NRXN3: variants seen among roughly 807,000 people sequenced by gnomAD.
The protein encoded by NRXN3 is neurexin III.
NRXN3 carries 32 observed loss-of-function variants against 137.6 expected under a neutral mutation model. The ratio of observed to expected loss-of-function variants is 0.23; its 90% CI spans 0.18 to 0.31. The LOEUF (loss-of-function observed/expected upper bound fraction) is 0.31, where lower values mean the gene tolerates loss of function less well. Ranked by LOEUF, NRXN3 falls within the 10% of genes least tolerant of loss-of-function variation. The probability of loss-of-function intolerance (pLI) is 1.00; values close to 1 mark genes in which losing one functional copy is unlikely to be tolerated. For synonymous variants in NRXN3, 798 were observed against 784.5 expected, an observed-to-expected ratio of 1.02 and a Z score of -0.29; for missense variants, 1,574 against 2,062.5, an observed-to-expected ratio of 0.76 and a Z score of 4.59.
At chr14:78,854,452 T>C (rs975766407) in intron 10 of NRXN3, among the ~76,000 whole-genome samples, 6 of 152,146 alleles carry the variant, frequency 3.9e-5, no homozygotes, top group African/African-American at 1.4e-4. Flanking sequence ...TTAGCCTCCA[T>C]TACCCAAGAG....
At chr14:79,128,646 A>G (rs1359817003) in intron 15 of NRXN3, among the ~76,000 whole-genome samples, 118 of 151,918 alleles carry the variant, frequency 7.8e-4, no homozygotes, top group Middle Eastern at 3.4e-3. Context: ...CTCTTTTTTG[A>G]TTGTGTCTCT....
chr14:79,850,279 T>G (rs2049827), intron 20 of NRXN3, among the ~76,000 whole-genome samples: 112,678 of 152,048 alleles, frequency 0.74, 42,177 homozygotes, highest in East Asian at 0.91. Flanking sequence ...CTCTCTCTAG[T>G]ATTCTCCCTG....
At chr14:79,438,488 A>T (rs7140201) in intron 15 of NRXN3, among the ~76,000 whole-genome samples, 1 of 152,086 alleles carries the variant, frequency 6.6e-6, no homozygotes, top group Admixed American at 6.5e-5. Flanking sequence ...TTATTAATGT[A>T]TGGATTTTCT....
intron 4 of NRXN3, among the ~76,000 whole-genome samples, chr14:78,576,673 C>T (rs987716529): frequency 6.6e-6 from 1 of 152,104 alleles, no homozygotes; most frequent in Non-Finnish European, 1.5e-5. Flanking sequence ...GTCACATTCA[C>T]TAACATCACA....
At chr14:79,239,736 GA>G (rs1185297112) in intron 15 of NRXN3, among the ~76,000 whole-genome samples, 1 of 152,112 alleles carries the variant, frequency 6.6e-6, no homozygotes, top group Admixed American at 6.6e-5. Context: ...CAATAGCCAA[GA>G]TAAAGAGTCA....
chr14:78,877,047 T>G (rs1216944440), intron 10 of NRXN3, among the ~76,000 whole-genome samples: 1 of 152,236 alleles, frequency 6.6e-6, no homozygotes, highest in Admixed American at 6.5e-5. Context: ...TCTTCTTCAC[T>G]TGGTGTTCAG....
intron 15 of NRXN3, among the ~76,000 whole-genome samples, chr14:79,394,545 T>C (rs539510180): frequency 6.6e-6 from 1 of 152,290 alleles, no homozygotes; most frequent in Non-Finnish European, 1.5e-5. Context: ...TTTACACATA[T>C]TAGTTATCTC....
Position 78,203,766 on chromosome 14 carries a change from ACATAC to A in NRXN3, c.-704+33096_-704+33100del, listed in dbSNP as rs1350794030. 1.3e-4 allele frequency among the ~76,000 whole-genome samples: 20 copies of A among 151,288 alleles called. No individual in the cohort carries two copies. In the East Asian group the frequency reaches 3.9e-3, roughly 29 times the overall value. On this transcript the variant is annotated intron_variant, in intron 1 of 20. Transcript: ENST00000335750. ...GCAAAAAAATCACTATTTTCCTACC[ACATAC>A]CATTGTTGACTTTTTGGTGTAGATC...
intron 19 of NRXN3, among the ~76,000 whole-genome samples, chr14:79,767,718 T>A (rs1271986930): frequency 6.6e-6 from 1 of 152,178 alleles, no homozygotes; most frequent in Non-Finnish European, 1.5e-5. Flanking sequence ...TCACCCAAAG[T>A]TACACAGCTG....
chr14:79,564,072 C>T (rs559635913), intron 16 of NRXN3, among the ~76,000 whole-genome samples: 1 of 151,934 alleles, frequency 6.6e-6, no homozygotes, highest in South Asian at 2.1e-4. Context: ...TAGTGAAGTA[C>T]AACCTCAGAG....
chr14:78,282,092 G>T (rs1188645263), intron 3 of NRXN3: 2 of 489,288 alleles, frequency 4.1e-6, no homozygotes, highest in Non-Finnish European at 8.2e-6. Context: ...GCCCAAGAAG[G>T]GAAAGGACCT....
chr14:79,013,709 A>G (rs2938028), intron 15 of NRXN3, among the ~76,000 whole-genome samples: 2,905 of 152,302 alleles, frequency 0.019, 80 homozygotes, highest in African/African-American at 0.066. Context: ...CACCAGACCC[A>G]TGACAATCTA....
At chr14:79,148,090 GA>G (rs1234739095) in intron 15 of NRXN3, among the ~76,000 whole-genome samples, 2 of 152,084 alleles carry the variant, frequency 1.3e-5, no homozygotes, top group South Asian at 4.1e-4. Context: ...TCTGGATGGT[GA>G]AAAAAAATAT....
chr14:79,411,667 A>G (rs1181695290), intron 15 of NRXN3, among the ~76,000 whole-genome samples: 1 of 152,180 alleles, frequency 6.6e-6, no homozygotes, highest in Non-Finnish European at 1.5e-5. Flanking sequence ...TATGTAGTAG[A>G]GTCATAATTA....
intron 8 of NRXN3, among the ~76,000 whole-genome samples, chr14:78,802,632 T>C (rs1175018745): frequency 6.6e-6 from 1 of 152,194 alleles, no homozygotes; most frequent in Non-Finnish European, 1.5e-5. Flanking sequence ...AACCTCAGAC[T>C]GAGGAAGGTA....
At chr14:78,268,965 T>C (rs1461541745) in intron 2 of NRXN3, among the ~76,000 whole-genome samples, 1 of 152,196 alleles carries the variant, frequency 6.6e-6, no homozygotes, top group Non-Finnish European at 1.5e-5. Flanking sequence ...ATCTAGCATA[T>C]TGGCTAACAA....
intron 20 of NRXN3, among the ~76,000 whole-genome samples, chr14:79,848,072 T>G (rs2099384048): frequency 6.6e-6 from 1 of 152,064 alleles, no homozygotes; most frequent in Non-Finnish European, 1.5e-5. Flanking sequence ...TTTGCTGAAT[T>G]GAAATACAAA....
intron 10 of NRXN3, among the ~76,000 whole-genome samples, chr14:78,932,929 T>A (rs1390468095): frequency 1.3e-5 from 2 of 152,168 alleles, no homozygotes; most frequent in African/African-American, 4.8e-5. Flanking sequence ...ATTATAAAAA[T>A]ATGACATCCC....
At chr14:78,297,971 C>T (rs1246708774) in intron 4 of NRXN3, 111 bp downstream of exon 4, 1 of 1,301,488 alleles carries the variant, frequency 7.7e-7, no homozygotes, top group Non-Finnish European at 1.1e-6. Flanking sequence ...GCCTGTCCTT[C>T]CTGCGCTGGG....
Sources: gnomAD v4.1 joint callset for allele counts (sites outside exome capture counted in the v4.1 genomes callset) on GRCh38, gnomAD v4.1.1 for gene constraint, MANE v1.5 for transcripts, NCBI Gene and HGNC (gene_info 2026-07-23, HGNC 2026-07-21) for gene names.